Variants in PPM1L observed in about 807,000 individuals in gnomAD.
PPM1L encodes protein phosphatase 1L.
A neutral mutation model predicts 31.4 loss-of-function variants in PPM1L; 13 were observed. The observed-to-expected ratio is 0.41, with a 90% CI of 0.27 to 0.66. The LOEUF is 0.66. Ranked by LOEUF, PPM1L falls within the 30% of genes least tolerant of loss-of-function variation. The pLI is 0.29. For missense variants in PPM1L, 326 were observed against 453.7 expected, an observed-to-expected ratio of 0.72 and a Z score of 2.56; for synonymous variants, 184 against 175.4, an observed-to-expected ratio of 1.05 and a Z score of -0.39.
chr3:161,062,419 A>G (rs541893885), intron 2 of PPM1L, among the ~76,000 whole-genome samples: 1 of 152,332 alleles, frequency 6.6e-6, no homozygotes, highest in Admixed American at 6.5e-5. Flanking sequence ...TAGGCAATAT[A>G]GTGAGAACCC....
intron 1 of PPM1L, among the ~76,000 whole-genome samples, chr3:160,777,636 A>G (rs1711600158): frequency 6.6e-6 from 1 of 152,130 alleles, no homozygotes; most frequent in African/African-American, 2.4e-5. Context: ...TGACTGGATT[A>G]TTTCACTTGG....
At chr3:160,922,093 G>C (rs12634368) in intron 1 of PPM1L, among the ~76,000 whole-genome samples, 1 of 151,866 alleles carries the variant, frequency 6.6e-6, no homozygotes, top group Non-Finnish European at 1.5e-5. Context: ...GGCAGATCAC[G>C]AGGTCAGGAG....
intron 1 of PPM1L, among the ~76,000 whole-genome samples, chr3:160,803,503 A>C (rs543550923): frequency 9.5e-6 from 1 of 104,930 alleles, no homozygotes; most frequent in South Asian, 2.9e-4. Flanking sequence ...CTCCACTTAG[A>C]AATGTCATAT....
intron 2 of PPM1L, among the ~76,000 whole-genome samples, chr3:161,024,738 T>G (rs1156567042): frequency 6.6e-6 from 1 of 151,262 alleles, no homozygotes; most frequent in Non-Finnish European, 1.5e-5. Flanking sequence ...ATGAGGTTTT[T>G]CCAGTGAGCT....
At chr3:161,065,785 C>T (rs1441195092) in intron 3 of PPM1L, among the ~76,000 whole-genome samples, 3 of 152,208 alleles carry the variant, frequency 2.0e-5, no homozygotes, top group Non-Finnish European at 2.9e-5. Flanking sequence ...AAGCCCATTT[C>T]CAGTTTAAAG....
chr3:161,020,660 G>A (rs557769579), intron 2 of PPM1L, among the ~76,000 whole-genome samples: 77 of 152,154 alleles, frequency 5.1e-4, no homozygotes, highest in Non-Finnish European at 9.9e-4. Context: ...AGAATTCACT[G>A]ATGAATCCAT....
chr3:161,045,968 A>C (rs148107532), intron 2 of PPM1L, among the ~76,000 whole-genome samples: 2,011 of 151,832 alleles, frequency 0.013, 23 homozygotes, highest in Middle Eastern at 0.048. Context: ...AAAATTAGCC[A>C]GGCGTGGTGG....
chr3:160,791,520 A>C (rs1712104091), intron 1 of PPM1L, among the ~76,000 whole-genome samples: 1 of 152,136 alleles, frequency 6.6e-6, no homozygotes, highest in Non-Finnish European at 1.5e-5. Context: ...TTATCCATTC[A>C]TTCAACCAAA....
intron 1 of PPM1L, among the ~76,000 whole-genome samples, chr3:160,845,401 T>C (rs961797853): frequency 5.9e-5 from 9 of 152,074 alleles, no homozygotes; most frequent in African/African-American, 1.9e-4. Flanking sequence ...AAGTCGTTTA[T>C]TAGATATATG....
At chr3:161,018,878 A>G (rs1021010287) in intron 2 of PPM1L, among the ~76,000 whole-genome samples, 1 of 152,196 alleles carries the variant, frequency 6.6e-6, no homozygotes, top group Non-Finnish European at 1.5e-5. Flanking sequence ...TATGTTGCAT[A>G]CCATGACCTT....
At chr3:160,850,334 G>A (rs916673898) in intron 1 of PPM1L, among the ~76,000 whole-genome samples, 2 of 152,152 alleles carry the variant, frequency 1.3e-5, no homozygotes, top group Non-Finnish European at 2.9e-5. Context: ...TACACTGATG[G>A]GTGCTAAAAG....
intron 1 of PPM1L, among the ~76,000 whole-genome samples, chr3:160,857,081 C>T (rs1711733091): frequency 1.3e-5 from 2 of 152,284 alleles, no homozygotes; most frequent in South Asian, 4.1e-4. Context: ...AAGTTTCTAC[C>T]ACTTTAAAAG....
At position 161,044,423 on chromosome 3, in the gene PPM1L, T is replaced by G. The variant is rs550096668; in HGVS notation, c.575-20980T>G. Among the ~76,000 whole-genome samples, 171 of 151,600 alleles carry G rather than the reference T, an allele frequency of 1.1e-3. 7 individuals are homozygous for G. The South Asian group carries it at 0.014, about 13-fold the overall frequency. On this transcript the variant is annotated intron_variant, in intron 2 of 3. Coordinates refer to ENST00000498165, the MANE Select transcript of PPM1L (RefSeq NM_139245.4). ...GCAAATGCAAGTTGAGCATTGAAAA[T>G]TCAAAATCTGAAGTGTTCCAAAATT...
chr3:160,989,425 G>C (rs1717061232), intron 2 of PPM1L, among the ~76,000 whole-genome samples: 1 of 145,280 alleles, frequency 6.9e-6, no homozygotes, highest in Admixed American at 6.8e-5. Flanking sequence ...TTTTTTTTGA[G>C]CAGAGTTTCA....
chr3:160,991,098 A>G (rs555278668), intron 2 of PPM1L, among the ~76,000 whole-genome samples: 71 of 152,202 alleles, frequency 4.7e-4, no homozygotes, highest in African/African-American at 1.5e-3. Flanking sequence ...AAAAAAGAAA[A>G]AAATCACAAA....
At chr3:160,969,125 C>T (rs188313095) in intron 2 of PPM1L, among the ~76,000 whole-genome samples, 58 of 152,266 alleles carry the variant, frequency 3.8e-4, no homozygotes, top group African/African-American at 1.4e-3. Flanking sequence ...ACAGCTTTCC[C>T]AGAGGAGGTG....
chr3:160,843,673 G>C (rs111429823), intron 1 of PPM1L, among the ~76,000 whole-genome samples: 2,864 of 151,430 alleles, frequency 0.019, 95 homozygotes, highest in African/African-American at 0.066. Flanking sequence ...GTGTCCAAGT[G>C]TTCTCATTGT....
intron 1 of PPM1L, among the ~76,000 whole-genome samples, chr3:160,957,433 T>C (rs540896233): frequency 6.6e-6 from 1 of 152,218 alleles, no homozygotes; most frequent in Non-Finnish European, 1.5e-5. Context: ...ATGGGATTGC[T>C]GAGTCAAATG....
intron 2 of PPM1L, among the ~76,000 whole-genome samples, chr3:160,970,936 G>A (rs1228087518): frequency 5.3e-5 from 8 of 151,620 alleles, no homozygotes; most frequent in Non-Finnish European, 1.0e-4. Flanking sequence ...GACTACAGGC[G>A]CCCGCCACCT....
Sources: gnomAD v4.1 joint callset for allele counts (sites outside exome capture counted in the v4.1 genomes callset) on GRCh38, gnomAD v4.1.1 for gene constraint, MANE v1.5 for transcripts, NCBI Gene and HGNC (gene_info 2026-07-23, HGNC 2026-07-21) for gene names.